The following FHIP1A variants were observed in gnomAD, a reference collection of about 807,000 sequenced individuals.
The protein encoded by FHIP1A is FHF complex subunit HOOK interacting protein 1A.
In FHIP1A, 61 loss-of-function variants were observed where a neutral mutation model predicts 88.6. The ratio of observed to expected loss-of-function variants is 0.69; its 90% confidence interval spans 0.56 to 0.85. The LOEUF (loss-of-function observed/expected upper bound fraction) is 0.85, where lower values mean the gene tolerates loss of function less well. Among genes scored for constraint, FHIP1A ranks in the 40% least tolerant of loss-of-function variants. FHIP1A has a pLI of 0.00. For missense variants in FHIP1A, 1,154 were observed against 1,273.5 expected, an observed-to-expected ratio of 0.91 and a Z score of 1.43; for synonymous variants, 478 against 496.0, an observed-to-expected ratio of 0.96 and a Z score of 0.48.
Position 151,668,768 on chromosome 4 carries a change from G to A in FHIP1A, c.*6014G>A, listed in dbSNP as rs1197067307. On this transcript the variant is annotated 3_prime_UTR_variant, in exon 14 of 14. Coordinates refer to ENST00000435205, the MANE Select transcript of FHIP1A (RefSeq NM_001109977.3). ...GGTAGCATGCAGAGTGCTAGGGCTG[G>A]CACATTCCTGCCTTCCCACCAGAAC... 4.6e-5 allele frequency among the ~76,000 whole-genome samples: 7 copies of A among 151,478 alleles called. No individual in the cohort carries two copies. Among genetic ancestry groups the A allele is most frequent in the Admixed American group, 4.6e-4 (7 of 15,248 alleles).
At chr4:151,604,773 C>T (rs1735007592) in intron 7 of FHIP1A, among the ~76,000 whole-genome samples, 1 of 151,584 alleles carries the variant, frequency 6.6e-6, no homozygotes, top group Non-Finnish European at 1.5e-5. Context: ...TGCTTGAACC[C>T]AGGAGGCAGA....
intron 2 of FHIP1A, 74 bp from the exon 3 acceptor site, chr4:151,482,450 G>A (rs1265978021): frequency 2.6e-5 from 4 of 151,836 alleles, no homozygotes; most frequent in Non-Finnish European, 4.4e-5. Context: ...TGGTAAATGC[G>A]AGCGGAGAAA....
intron 4 of FHIP1A, 98 bp from the exon 5 acceptor site, chr4:151,577,352 C>T (rs1733831473): frequency 2.6e-6 from 3 of 1,160,226 alleles, no homozygotes; most frequent in South Asian, 3.3e-5. Context: ...GGCAGTGGCT[C>T]CTGCATTTTT....
At chr4:151,559,672 G>A (rs1204547699) in intron 3 of FHIP1A, among the ~76,000 whole-genome samples, 3 of 152,124 alleles carry the variant, frequency 2.0e-5, no homozygotes, top group Middle Eastern at 3.2e-3. Context: ...AACCAAACCA[G>A]TATTGATGGA....
chr4:151,627,996 G>A (rs1348373452), intron 7 of FHIP1A, among the ~76,000 whole-genome samples: 2 of 152,120 alleles, frequency 1.3e-5, no homozygotes, highest in African/African-American at 4.8e-5. Context: ...ACACAAAGAC[G>A]GAAGTAGTTT....
chr4:151,430,244 G>A (rs1045712353), intron 1 of FHIP1A, among the ~76,000 whole-genome samples: 1 of 152,136 alleles, frequency 6.6e-6, no homozygotes, highest in Non-Finnish European at 1.5e-5. Flanking sequence ...CATCCTCCAT[G>A]GTCGAAATAA....
intron 10 of FHIP1A, among the ~76,000 whole-genome samples, chr4:151,647,185 A>G (rs1736830261): frequency 6.6e-6 from 1 of 152,224 alleles, no homozygotes; most frequent in Non-Finnish European, 1.5e-5. Context: ...AATTTGTGAT[A>G]TGACAGCAAA....
At chr4:151,552,496 A>G in intron 3 of FHIP1A, among the ~76,000 whole-genome samples, 1 of 152,262 alleles carries the variant, frequency 6.6e-6, no homozygotes, top group East Asian at 1.9e-4. Flanking sequence ...CTATGCAGCC[A>G]TAAAAAATGA....
At chr4:151,411,542 G>A (rs1440335688) in intron 1 of FHIP1A, among the ~76,000 whole-genome samples, 16 of 151,758 alleles carry the variant, frequency 1.1e-4, no homozygotes. Context: ...TACAGACAGG[G>A]TTTTGCCACG....
At chr4:151,445,891 T>C (rs1245914115) in intron 1 of FHIP1A, among the ~76,000 whole-genome samples, 3 of 146,840 alleles carry the variant, frequency 2.0e-5, no homozygotes, top group Non-Finnish European at 4.5e-5. Context: ...GATATGTTAT[T>C]ATATTGCAGT....
At chr4:151,597,176 GTTT>G (rs1253363287) in intron 7 of FHIP1A, among the ~76,000 whole-genome samples, 1 of 152,086 alleles carries the variant, frequency 6.6e-6, no homozygotes, top group East Asian at 1.9e-4. Context: ...TCTACCTTTG[GTTT>G]TCGATGTTGG....
chr4:151,487,723 G>C (rs1730138792), intron 3 of FHIP1A, among the ~76,000 whole-genome samples: 2 of 152,166 alleles, frequency 1.3e-5, no homozygotes, highest in Admixed American at 6.5e-5. Context: ...AAAATCCTTT[G>C]AGATACATTC....
intron 3 of FHIP1A, among the ~76,000 whole-genome samples, chr4:151,526,562 G>A (rs1187127576): frequency 2.0e-5 from 3 of 148,316 alleles, no homozygotes; most frequent in Admixed American, 6.7e-5. Context: ...AGGGGCGGCC[G>A]GGCAGAGGCG....
At chr4:151,469,537 T>C (rs1216613951) in intron 2 of FHIP1A, among the ~76,000 whole-genome samples, 1 of 152,198 alleles carries the variant, frequency 6.6e-6, no homozygotes, top group Non-Finnish European at 1.5e-5. Context: ...ACATAAAAGC[T>C]TGGACACTCC....
chr4:151,532,133 G>A (rs144127196), intron 3 of FHIP1A, among the ~76,000 whole-genome samples: 11 of 152,042 alleles, frequency 7.2e-5, no homozygotes, highest in Admixed American at 3.3e-4. Flanking sequence ...GGTCTATATC[G>A]TTTTTTTGGT....
chr4:151,590,559 G>A (rs1007875262), intron 7 of FHIP1A, among the ~76,000 whole-genome samples: 7 of 152,160 alleles, frequency 4.6e-5, no homozygotes, highest in African/African-American at 1.2e-4. Flanking sequence ...AGTGGTATGC[G>A]TGCTTTCAGT....
chr4:151,666,171 G>T lies in FHIP1A; in HGVS notation c.*3417G>T, dbSNP rs911254755. On this transcript the variant is annotated 3_prime_UTR_variant, in exon 14 of 14. Transcript: ENST00000435205. ...AATGTTTTTTAAAATTTTACACAAA[G>T]AAATTCCAACTTAGGTTCAGCCTAA... is the stretch of plus-strand genomic sequence containing the variant. Among the ~76,000 whole-genome samples, 4 of 152,204 alleles carry T rather than the reference G, an allele frequency of 2.6e-5. No homozygotes were observed. The highest frequency in any genetic ancestry group is 4.8e-5 in the African/African-American group (2 of 41,460).
At chr4:151,652,355 CTT>C (rs1269224487) in intron 11 of FHIP1A, among the ~76,000 whole-genome samples, 9 of 152,142 alleles carry the variant, frequency 5.9e-5, no homozygotes, top group Admixed American at 5.9e-4. Flanking sequence ...TGTATGTGTG[CTT>C]TATAGTTTCC....
chr4:151,650,156 T>C lies in FHIP1A; in HGVS notation c.2115T>C (p.Phe705=). 1 of 1,551,638 alleles carries C rather than the reference T, an allele frequency of 6.4e-7. No individual in the cohort carries two copies. The highest frequency in any genetic ancestry group is 2.4e-5 in the East Asian group (1 of 40,912). ...EEWNRDNSDP[F]HSEPKEPKQE... is the part of the protein sequence containing the mutation. The stretch of plus-strand genomic sequence containing the variant: ...GGAATAGGGACAATTCAGACCCGTT[T>C]CACAGTGAGCCCAAGGAGCCAAAGC... Residue 705 remains phenylalanine, a synonymous_variant, in exon 11 of 14, where the codon TTT becomes TTC. Coordinates refer to ENST00000435205, the MANE Select transcript of FHIP1A (RefSeq NM_001109977.3).
Sources: gnomAD v4.1 joint callset for allele counts (sites outside exome capture counted in the v4.1 genomes callset) on GRCh38, gnomAD v4.1.1 for gene constraint, MANE v1.5 for transcripts, NCBI Gene and HGNC (gene_info 2026-07-23, HGNC 2026-07-21) for gene names.